Variants in TRRAP observed in about 807,000 individuals in gnomAD.
The protein encoded by TRRAP is transformation/transcription domain associated protein, also known as transformation/transcription domain-associated protein.
Under a neutral mutation model 438.8 loss-of-function variants are expected in TRRAP, and 41 were observed. The observed-to-expected ratio is 0.09, with a 90% CI of 0.07 to 0.12. The LOEUF (loss-of-function observed/expected upper bound fraction) is 0.12, where lower values mean the gene tolerates loss of function less well. Among genes scored for constraint, TRRAP ranks in the 10% least tolerant of loss-of-function variants. The probability of loss-of-function intolerance (pLI) is 1.00; values close to 1 mark genes in which losing one functional copy is unlikely to be tolerated. For missense variants in TRRAP, 3,122 were observed against 5,055.1 expected, an observed-to-expected ratio of 0.62 and a Z score of 11.60; for synonymous variants, 1,994 against 1,962.9, an observed-to-expected ratio of 1.02 and a Z score of -0.42.
Position 98,976,476 on chromosome 7 carries a change from G to C in TRRAP, c.7960-7G>C. On this transcript the variant is annotated splice_region_variant and splice_polypyrimidine_tract_variant and intron_variant, in intron 54 of 72. Transcript: ENST00000456197. This position sits in a 1 kb window ranked among gnomAD's most constrained non-coding sequence, Gnocchi z 4.6. ...GAAGGCCTAAATGACATGTGCTTTG[G>C]TTTCAGGCACTCGCGGGTGAGATAA... 6.2e-7 allele frequency: 1 copy of C among 1,604,924 alleles called. No homozygotes were observed. Among genetic ancestry groups the C allele is most frequent in the Non-Finnish European group, 8.5e-7 (1 of 1,177,498 alleles).
At chr7:98,983,543 T>C in intron 60 of TRRAP, 84 bp downstream of exon 60, 1 of 1,487,882 alleles carries the variant, frequency 6.7e-7, no homozygotes. Context: ...TGTTTTGGTT[T>C]GGTTTGGTTT....
At chr7:98,938,581 CT>C (rs2116551847) in intron 30 of TRRAP, among the ~76,000 whole-genome samples, 1 of 152,168 alleles carries the variant, frequency 6.6e-6, no homozygotes, top group Non-Finnish European at 1.5e-5. Context: ...ACAGTCCTTG[CT>C]TTTCCCATTT....
At chr7:98,980,507 G>A (rs960875427) in intron 58 of TRRAP, among the ~76,000 whole-genome samples, 2 of 152,080 alleles carry the variant, frequency 1.3e-5, no homozygotes, top group Non-Finnish European at 2.9e-5. Context: ...AAAAAGAAAA[G>A]GCCTTTTAGG....
intron 12 of TRRAP, 145 bp downstream of exon 12, chr7:98,903,662 C>CT (rs782745052): frequency 1.7e-6 from 2 of 1,189,240 alleles, no homozygotes; most frequent in Non-Finnish European, 2.3e-6. Flanking sequence ...TCTTTCCCCT[C>CT]TTTTCTCTCC....
At chr7:98,930,861 T>C in intron 25 of TRRAP, 31 bp downstream of exon 25, 1 of 1,612,776 alleles carries the variant, frequency 6.2e-7, no homozygotes, top group Non-Finnish European at 8.5e-7. Context: ...AACCTAACCA[T>C]GCTGTTTTTG....
intron 40 of TRRAP, among the ~76,000 whole-genome samples, chr7:98,954,585 C>G (rs1377162742): frequency 6.6e-6 from 1 of 152,246 alleles, no homozygotes; most frequent in African/African-American, 2.4e-5. Context: ...CTCCTCCCCA[C>G]TGCCCAGGCA....
chr7:98,942,658 A>G (rs1790850045), intron 30 of TRRAP, among the ~76,000 whole-genome samples: 1 of 152,216 alleles, frequency 6.6e-6, no homozygotes, highest in South Asian at 2.1e-4. Flanking sequence ...CCAAGCACTC[A>G]GTGAACAGCT....
rs148155176 is a variant in TRRAP, at chr7:98,932,559, G to A, written c.3853-682G>A. The stretch of plus-strand genomic sequence containing the variant: ...GGCTCTCACTATGTTGCCCAGTCTG[G>A]CCTTGAACTCCTGGGGTCGAGCAGT... On this transcript the variant is annotated intron_variant, in intron 26 of 72. Coordinates refer to ENST00000456197, the MANE Select transcript of TRRAP (RefSeq NM_001375524.1). 6.9e-4 allele frequency among the ~76,000 whole-genome samples: 104 copies of A among 151,620 alleles called. 1 individual carries two copies. Among genetic ancestry groups the A allele is most frequent in the African/African-American group, 2.4e-3 (101 of 41,316 alleles).
At chr7:98,888,879 C>T (rs1048552055) in intron 3 of TRRAP, among the ~76,000 whole-genome samples, 12 of 152,140 alleles carry the variant, frequency 7.9e-5, no homozygotes, top group African/African-American at 2.7e-4. Context: ...CTGCCTCCCC[C>T]ATCTCTGAGG....
In TRRAP at chr7:98,994,443, T is replaced by G. The variant is rs567485995; in HGVS notation, c.10048-144T>G. The G allele has an allele frequency of 8.1e-7, 1 of 1,242,028 alleles. No homozygotes were observed. The highest frequency in any genetic ancestry group is 2.3e-5 in the East Asian group (1 of 42,874). The allele number at this position is 1,242,028 out of a possible 1,614,324, so 76.9% of individuals were successfully genotyped here. A position where few individuals can be genotyped will look rare whatever the true frequency, so the allele number is the denominator to read the frequency against. On this transcript the variant is annotated intron_variant, in intron 66 of 72. Coordinates refer to ENST00000456197, the MANE Select transcript of TRRAP (RefSeq NM_001375524.1). The surrounding 1 kb of genome is among the most constrained non-coding windows in gnomAD (Gnocchi z 4.8). ...GCGTCCCGTTTCTTGCACACGCCGA[T>G]TTCATGCCTGCTGTGTGTGGGTCCT...
intron 52 of TRRAP, among the ~76,000 whole-genome samples, chr7:98,970,791 G>A (rs1206228237): frequency 1.3e-5 from 2 of 152,154 alleles, no homozygotes; most frequent in African/African-American, 4.8e-5. Context: ...CCACACAGGG[G>A]CTGGGGCTCT....
chr7:98,995,962 TCCCCATCCCATCCTCATAC>T (rs1433708437), intron 67 of TRRAP, among the ~76,000 whole-genome samples: 3 of 128,358 alleles, frequency 2.3e-5, no homozygotes, highest in Admixed American at 1.6e-4. Context: ...CATCCTCGCA[TCCCCATCCCATCCTCATAC>T]CCCCATCCCA....
intron 19 of TRRAP, among the ~76,000 whole-genome samples, chr7:98,916,549 C>T (rs183837419): frequency 6.6e-6 from 1 of 152,216 alleles, no homozygotes; most frequent in Admixed American, 6.5e-5. Flanking sequence ...CATAGGCTAC[C>T]CAGGAGGCAG....
chr7:98,993,471 G>A, intron 65 of TRRAP, 67 bp from the exon 66 acceptor site: 1 of 1,548,326 alleles, frequency 6.5e-7, no homozygotes, highest in Non-Finnish European at 8.7e-7. Context: ...CATGGGTCCT[G>A]CAGCGCTCCG....
intron 67 of TRRAP, among the ~76,000 whole-genome samples, chr7:99,002,847 C>T (rs553579484): frequency 3.4e-3 from 512 of 152,308 alleles, no homozygotes; most frequent in Non-Finnish European, 4.8e-3. Flanking sequence ...CACGCGTGGG[C>T]AGGGATGGTC....
intron 8 of TRRAP, 118 bp downstream of exon 8, chr7:98,897,984 T>C (rs1796299839): frequency 1.3e-6 from 2 of 1,494,868 alleles, no homozygotes; most frequent in East Asian, 2.3e-5. Context: ...CGTGTGTGCC[T>C]GGCAAAGCAT....
At chr7:98,982,517 CA>C (rs1328019109) in intron 59 of TRRAP, among the ~76,000 whole-genome samples, 1 of 152,156 alleles carries the variant, frequency 6.6e-6, no homozygotes, top group Non-Finnish European at 1.5e-5. Flanking sequence ...GCCATAGAAA[CA>C]AATTTACATT....
intron 59 of TRRAP, 119 bp downstream of exon 59, chr7:98,982,079 C>T (rs1316645362): frequency 9.7e-7 from 1 of 1,031,828 alleles, no homozygotes; most frequent in Non-Finnish European, 1.3e-6. Flanking sequence ...TTCTGCTTGT[C>T]TTGTCCTCTC....
At chr7:99,000,834 G>A (rs1248361419) in intron 67 of TRRAP, among the ~76,000 whole-genome samples, 2 of 152,214 alleles carry the variant, frequency 1.3e-5, no homozygotes, top group East Asian at 1.9e-4. Context: ...TTGGGGGATC[G>A]AAGCCCACTG....
Sources: allele counts gnomAD v4.1 joint callset (sites outside exome capture counted in the v4.1 genomes callset), GRCh38; gene constraint gnomAD v4.1.1; non-coding constraint Gnocchi (gnomAD v3.1); transcripts MANE v1.5; gene names NCBI Gene and HGNC (gene_info 2026-07-23, HGNC 2026-07-21).